Variants in COL28A1 observed in about 807,000 individuals in gnomAD.
The protein encoded by COL28A1 is collagen alpha-1(XXVIII) chain.
Under a neutral mutation model 150.2 loss-of-function variants are expected in COL28A1, and 161 were observed. The observed-to-expected ratio is 1.07, with a 90% CI of 0.94 to 1.22. The LOEUF is 1.22. Among genes scored for constraint, COL28A1 ranks in the 50% most tolerant of loss-of-function variants. The pLI is 0.00. For missense variants in COL28A1, 1,617 were observed against 1,388.3 expected, an observed-to-expected ratio of 1.16 and a Z score of -2.62; for synonymous variants, 552 against 469.7, an observed-to-expected ratio of 1.18 and a Z score of -2.26.
chr7:7,430,048 A>G (rs1051060758), intron 25 of COL28A1, among the ~76,000 whole-genome samples: 1 of 152,210 alleles, frequency 6.6e-6, no homozygotes, highest in Non-Finnish European at 1.5e-5. Context: ...GGAAAATGGC[A>G]TATGCAATCA....
chr7:7,422,907 A>T (rs531400119), intron 25 of COL28A1, among the ~76,000 whole-genome samples: 1 of 152,314 alleles, frequency 6.6e-6, no homozygotes, highest in East Asian at 1.9e-4. Context: ...CACATACACT[A>T]ACTGCGAGCT....
At chr7:7,369,724 G>A (rs2054263934) in intron 33 of COL28A1, among the ~76,000 whole-genome samples, 2 of 152,112 alleles carry the variant, frequency 1.3e-5, no homozygotes, top group African/African-American at 4.8e-5. Flanking sequence ...TTCCTGAATG[G>A]CCCTGAGTCC....
At chr7:7,521,166 A>T (rs971009312) in intron 5 of COL28A1, among the ~76,000 whole-genome samples, 7 of 152,346 alleles carry the variant, frequency 4.6e-5, no homozygotes, top group Admixed American at 4.6e-4. Context: ...ATTTGGAATT[A>T]TACAAATAAA....
Position 7,531,757 on chromosome 7 carries a change from A to T in COL28A1, c.272T>A (p.Ile91Asn). 6.2e-7 allele frequency: 1 copy of T among 1,609,798 alleles called. No homozygotes were observed. Residue 91 changes from isoleucine to asparagine, a missense_variant, in exon 3 of 35, where the codon ATC becomes AAC. Coordinates refer to ENST00000399429, the MANE Select transcript of COL28A1 (RefSeq NM_001037763.3). ...GCTAAACTGAAGGGCTGCCAGTTTG[A>T]TGTCATATTCCAAGGAGCGACCAGG... ...LTPGRSLEYD[I>N]KLAALQFSSS... is the part of the protein sequence containing the mutation.
chr7:7,395,147 G>T (rs989465125), intron 27 of COL28A1, among the ~76,000 whole-genome samples: 9 of 152,124 alleles, frequency 5.9e-5, no homozygotes, highest in African/African-American at 1.4e-4. Flanking sequence ...CCAAAAATTA[G>T]CCAGGTGTGG....
At chr7:7,479,724 T>A (rs572397832) in intron 13 of COL28A1, among the ~76,000 whole-genome samples, 1 of 152,306 alleles carries the variant, frequency 6.6e-6, no homozygotes, top group East Asian at 1.9e-4. Flanking sequence ...AAAAAGCCAC[T>A]AGGAAAGATG....
chr7:7,433,121 G>T (rs975665292), intron 23 of COL28A1, among the ~76,000 whole-genome samples: 1 of 152,098 alleles, frequency 6.6e-6, no homozygotes, highest in African/African-American at 2.4e-5. Flanking sequence ...GAGACCTAGG[G>T]AAAAGTTGTA....
rs1170233492 is a variant in COL28A1, at chr7:7,474,480, A to G, written c.1302+121T>C. On this transcript the variant is annotated intron_variant, in intron 15 of 34. Coordinates refer to ENST00000399429, the MANE Select transcript of COL28A1 (RefSeq NM_001037763.3). ...TTTAAAAAAAGAATATACTAGATTTATAATTAACCAGATACCTGTGTGGCA... is the reference window on the plus strand; with the variant it reads ...TTTAAAAAAAGAATATACTAGATTTGTAATTAACCAGATACCTGTGTGGCA... 7.6e-6 allele frequency: 4 copies of G among 526,134 alleles called. No homozygotes were observed. In the African/African-American group the frequency reaches 7.9e-5, roughly 10 times the overall value. The allele number at this position is 526,134 out of a possible 1,614,324, so 32.6% of individuals were successfully genotyped here.
At chr7:7,481,744 C>A (rs1438514698) in intron 13 of COL28A1, among the ~76,000 whole-genome samples, 1 of 152,138 alleles carries the variant, frequency 6.6e-6, no homozygotes, top group African/African-American at 2.4e-5. Context: ...TGTTAATAAT[C>A]AATACAAATG....
intron 11 of COL28A1, among the ~76,000 whole-genome samples, chr7:7,492,726 T>G (rs963303857): frequency 2.7e-5 from 4 of 150,634 alleles, no homozygotes; most frequent in Non-Finnish European, 5.9e-5. Flanking sequence ...AACAAAGGAA[T>G]CCTGCCTCAA....
chr7:7,385,153 A>G (rs28728081), intron 27 of COL28A1, among the ~76,000 whole-genome samples: 2,675 of 152,336 alleles, frequency 0.018, 89 homozygotes, highest in African/African-American at 0.06. Context: ...TATAGGAACG[A>G]TATCTCTTAA....
chr7:7,373,091 C>A lies in COL28A1; in HGVS notation c.2815G>T (p.Asp939Tyr), dbSNP rs2128284207. The A allele has an allele frequency of 6.2e-7, 1 of 1,614,168 alleles. No homozygotes were observed. The highest frequency in any genetic ancestry group is 2.2e-5 in the East Asian group (1 of 44,892). ...IFVIGVVKKN[D>Y]PNFEIFHKEM... ...TTGTGGAATATTTCAAAGTTGGGAT[C>A]ATTTTTCTTCACCACCCCTATCACA... is the stretch of plus-strand genomic sequence containing the variant. Residue 939 changes from aspartate to tyrosine, a missense_variant, in exon 32 of 35, where the codon GAT becomes TAT. By Grantham distance (160) the Asp-to-Tyr change is radical. Coordinates refer to ENST00000399429, the MANE Select transcript of COL28A1 (RefSeq NM_001037763.3). The surrounding 1 kb of genome is among the most constrained non-coding windows in gnomAD (Gnocchi z 4.1).
At chr7:7,364,479 C>A (rs1303225296) in intron 33 of COL28A1, among the ~76,000 whole-genome samples, 1 of 152,178 alleles carries the variant, frequency 6.6e-6, no homozygotes, top group African/African-American at 2.4e-5. Context: ...TACCTTCCCA[C>A]CATCTGCTGC....
intron 20 of COL28A1, among the ~76,000 whole-genome samples, chr7:7,442,960 G>A (rs1052372150): frequency 3.3e-5 from 5 of 151,836 alleles, no homozygotes; most frequent in African/African-American, 4.8e-5. Context: ...GCTTGAACCC[G>A]GGAGGCGGAG....
upstream of COL28A1, among the ~76,000 whole-genome samples, chr7:7,536,344 T>A (rs1210613161): frequency 6.6e-6 from 1 of 152,182 alleles, no homozygotes; most frequent in African/African-American, 2.4e-5. Context: ...ATATATAATA[T>A]ACAGGGAAAG....
intron 13 of COL28A1, among the ~76,000 whole-genome samples, chr7:7,489,169 C>T (rs1779782643): frequency 1.3e-5 from 2 of 152,114 alleles, no homozygotes; most frequent in South Asian, 4.2e-4. Context: ...TAATTAGAGG[C>T]TGAGGCAGGA....
chr7:7,446,371 A>G, intron 18 of COL28A1, among the ~76,000 whole-genome samples: 1 of 152,266 alleles, frequency 6.6e-6, no homozygotes, highest in East Asian at 1.9e-4. Flanking sequence ...TTTGAGAAAA[A>G]TATGAATTAT....
intron 21 of COL28A1, among the ~76,000 whole-genome samples, chr7:7,438,859 G>A (rs908455532): frequency 3.0e-4 from 46 of 152,086 alleles, no homozygotes; most frequent in African/African-American, 1.1e-3. Flanking sequence ...AGCTATGAAC[G>A]GCTTTCACAT....
At position 7,437,486 on chromosome 7, in the gene COL28A1, T is replaced by G. The variant is rs191414144; in HGVS notation, c.1723-24A>C. 1.4e-5 allele frequency: 22 copies of G among 1,608,512 alleles called. No homozygotes were observed. In the East Asian group the frequency reaches 4.5e-4, roughly 33 times the overall value. Reference sequence around the variant, plus strand: ...CCCTTAAAAAGAGCAAAATGCTCACTACATTTCAAGCAGAGAAAGCACATA... The same window carrying G: ...CCCTTAAAAAGAGCAAAATGCTCACGACATTTCAAGCAGAGAAAGCACATA... On this transcript the variant is annotated intron_variant, in intron 21 of 34. Coordinates refer to ENST00000399429, the MANE Select transcript of COL28A1 (RefSeq NM_001037763.3).
Sources: allele counts gnomAD v4.1 joint callset (sites outside exome capture counted in the v4.1 genomes callset), GRCh38; gene constraint gnomAD v4.1.1; non-coding constraint Gnocchi (gnomAD v3.1); transcripts MANE v1.5; gene names NCBI Gene and HGNC (gene_info 2026-07-23, HGNC 2026-07-21).